The following DAAM1 variants were observed in gnomAD, a reference collection of about 807,000 sequenced individuals.
DAAM1 encodes dishevelled associated activator of morphogenesis 1.
Under a neutral mutation model 130.0 loss-of-function variants are expected in DAAM1, and 52 were observed. The ratio of observed to expected loss-of-function variants is 0.40; its 90% confidence interval spans 0.32 to 0.50. The LOEUF (loss-of-function observed/expected upper bound fraction) is 0.50, where lower values mean the gene tolerates loss of function less well. Ranked by LOEUF, DAAM1 falls within the 20% of genes least tolerant of loss-of-function variation. The probability of loss-of-function intolerance (pLI) is 0.61; values close to 1 mark genes in which losing one functional copy is unlikely to be tolerated. For missense variants in DAAM1, 1,134 were observed against 1,303.8 expected, an observed-to-expected ratio of 0.87 and a Z score of 2.01; for synonymous variants, 452 against 444.5, an observed-to-expected ratio of 1.02 and a Z score of -0.21.
chr14:59,296,397 A>G (rs1883955814), intron 3 of DAAM1, among the ~76,000 whole-genome samples: 1 of 152,178 alleles, frequency 6.6e-6, no homozygotes, highest in Non-Finnish European at 1.5e-5. Flanking sequence ...GATTTGTTTG[A>G]TGTGTATTGA....
rs1305266106 is a variant in DAAM1, at chr14:59,323,052, C to T, written c.601C>T (p.His201Tyr). ...TCAAGGCCGGGCTCACGTCCTGGCT[C>T]ATTCTGAGAGTATTAATGTAATTGC... The part of the protein sequence containing the change: ...NSQGRAHVLA[H>Y]SESINVIAQS... Residue 201 changes from histidine to tyrosine, a missense_variant, in exon 6 of 25, where the codon CAT (histidine) becomes TAT (tyrosine). Around this residue, in one of 3 missense-constraint regions of DAAM1, gnomAD observed 391 missense variants for 521.6 expected, o/e 0.75. Coordinates refer to ENST00000360909, the MANE Select transcript of DAAM1 (RefSeq NM_001270520.2). The T allele has an allele frequency of 6.2e-7, 1 of 1,614,028 alleles. No homozygotes were observed. Among genetic ancestry groups the T allele is most frequent in the Non-Finnish European group, 8.5e-7 (1 of 1,179,986 alleles).
chr14:59,207,473 C>T (rs1468128257), intron 1 of DAAM1, among the ~76,000 whole-genome samples: 2 of 152,144 alleles, frequency 1.3e-5, no homozygotes, highest in Non-Finnish European at 2.9e-5. Flanking sequence ...ATATATTTAT[C>T]ATGTTAGAAA....
rs1886318812 is a variant in DAAM1, at chr14:59,352,272, A to G, written c.2161-254A>G. Among the ~76,000 whole-genome samples, 3 of 152,220 alleles carry G rather than the reference A, an allele frequency of 2.0e-5. No homozygotes were observed. In the South Asian group the frequency reaches 6.2e-4, roughly 32 times the overall value. On this transcript the variant is annotated intron_variant, in intron 17 of 24. Coordinates refer to ENST00000360909, the MANE Select transcript of DAAM1 (RefSeq NM_001270520.2). ...TGTGAAAAAGAGGTTCCAGTAGAGAACTCCCACAATTCTGATTTGAGAGGC... is the reference window on the plus strand; with the variant it reads ...TGTGAAAAAGAGGTTCCAGTAGAGAGCTCCCACAATTCTGATTTGAGAGGC...
chr14:59,332,449 G>C (rs1885478916), intron 15 of DAAM1, among the ~76,000 whole-genome samples: 1 of 152,232 alleles, frequency 6.6e-6, no homozygotes, highest in Non-Finnish European at 1.5e-5. Context: ...CAGAAGTGGG[G>C]TTGTAAAGAC....
chr14:59,366,473 T>C (rs887942047), intron 23 of DAAM1, among the ~76,000 whole-genome samples: 1 of 152,208 alleles, frequency 6.6e-6, no homozygotes, highest in Non-Finnish European at 1.5e-5. Flanking sequence ...GTAAATGATA[T>C]TAAACTACTT....
At position 59,331,343 on chromosome 14, in the gene DAAM1, A is replaced by G. The variant is rs770937632; in HGVS notation, c.1695A>G (p.Pro565=). 5.6e-6 allele frequency: 8 copies of G among 1,429,226 alleles called. No homozygotes were observed. The South Asian group carries it at 9.6e-5, about 17-fold the overall frequency. 88.5% of individuals were successfully genotyped at this position (1,429,226 alleles called of 1,614,324 possible). A position where few individuals can be genotyped will look rare whatever the true frequency, so the allele number is the denominator to read the frequency against. Reference sequence around the variant, plus strand: ...TACCAGGTGGGATGCTTCCCCCTCCACCGCCTCCCCTCCCTCCAGGTGGCC... The same window carrying G: ...TACCAGGTGGGATGCTTCCCCCTCCGCCGCCTCCCCTCCCTCCAGGTGGCC... The part of the protein sequence containing the change: ...PPLPGGMLPP[P]PPPLPPGGPP... The change falls in exon 14 of 25, where the codon CCA becomes CCG. Residue 565 remains proline (P), a synonymous_variant. Coordinates refer to ENST00000360909, the MANE Select transcript of DAAM1 (RefSeq NM_001270520.2).
intron 2 of DAAM1, among the ~76,000 whole-genome samples, chr14:59,280,535 C>CTTTTTTTTTTT (rs35354608): frequency 5.2e-4 from 47 of 90,658 alleles, no homozygotes; most frequent in East Asian, 1.1e-3. Flanking sequence ...GCACACCTTC[C>CTTTTTTTTTTT]TTTTTTTTTT....
At position 59,324,445 on chromosome 14, in the gene DAAM1, C is replaced by T. The variant is rs1485317560; in HGVS notation, c.980C>T (p.Thr327Ile). Residue 327 changes from threonine to isoleucine, a missense_variant, in exon 8 of 25, where the codon ACA becomes ATA. Coordinates refer to ENST00000360909, the MANE Select transcript of DAAM1 (RefSeq NM_001270520.2). ...AAATTAAGGGAACACGAAAATTCAA[C>T]ATTAGATAGGTAAGTCAGACTATTA... ...IDKLREHENS[T>I]LDRHLDFFEM... The T allele has an allele frequency of 7.6e-6, 12 of 1,576,178 alleles. No homozygotes were observed. The African/African-American group carries it at 1.2e-4, about 16-fold the overall frequency.
intron 1 of DAAM1, among the ~76,000 whole-genome samples, chr14:59,246,392 C>T (rs1881380293): frequency 6.6e-6 from 1 of 152,162 alleles, no homozygotes; most frequent in South Asian, 2.1e-4. Context: ...AGTTTTCCTT[C>T]CTTTTTAAGG....
intron 2 of DAAM1, among the ~76,000 whole-genome samples, chr14:59,266,540 A>G (rs930825921): frequency 1.3e-5 from 2 of 152,232 alleles, no homozygotes; most frequent in African/African-American, 4.8e-5. Flanking sequence ...TAGTTGTGAG[A>G]AAGCCAATGC....
intron 3 of DAAM1, among the ~76,000 whole-genome samples, chr14:59,309,391 G>A (rs1040543025): frequency 1.3e-5 from 2 of 152,202 alleles, no homozygotes; most frequent in African/African-American, 2.4e-5. Context: ...AACACTTTAT[G>A]AGCTTATCTT....
chr14:59,240,626 C>G (rs778535552), intron 1 of DAAM1, among the ~76,000 whole-genome samples: 3 of 152,180 alleles, frequency 2.0e-5, no homozygotes, highest in Non-Finnish European at 4.4e-5. Flanking sequence ...GGGGTAGCTT[C>G]TGACACATGG....
intron 1 of DAAM1, among the ~76,000 whole-genome samples, chr14:59,199,703 AC>A (rs1226888775): frequency 2.0e-5 from 3 of 152,164 alleles, no homozygotes; most frequent in Non-Finnish European, 2.9e-5. Flanking sequence ...CTGGCAGATG[AC>A]CCATTTTTGT....
intron 19 of DAAM1, 137 bp downstream of exon 19, chr14:59,354,101 C>T: frequency 1.2e-6 from 1 of 820,178 alleles, no homozygotes. Context: ...TGCACAGTTG[C>T]CCAGGCTGGA....
intron 24 of DAAM1, 138 bp downstream of exon 24, chr14:59,367,737 C>T: frequency 8.4e-7 from 1 of 1,190,416 alleles, no homozygotes; most frequent in Non-Finnish European, 1.1e-6. Flanking sequence ...TGGGACTTTA[C>T]ATTGGTGTTG....
chr14:59,253,206 G>A (rs890669372), intron 1 of DAAM1, among the ~76,000 whole-genome samples: 1 of 152,228 alleles, frequency 6.6e-6, no homozygotes, highest in Admixed American at 6.5e-5. Flanking sequence ...AGTTTCAGAG[G>A]ATGTAAGTGT....
At chr14:59,348,295 A>G (rs1039625999) in intron 17 of DAAM1, among the ~76,000 whole-genome samples, 4 of 152,226 alleles carry the variant, frequency 2.6e-5, no homozygotes, top group African/African-American at 9.6e-5. Context: ...CCAAGCAGCC[A>G]GTATTTCTAT....
intron 1 of DAAM1, among the ~76,000 whole-genome samples, chr14:59,213,312 A>G (rs1009405991): frequency 7.3e-6 from 1 of 136,632 alleles, no homozygotes; most frequent in Non-Finnish European, 1.5e-5. Flanking sequence ...GAGATTCTCC[A>G]TGAGATTTCA....
intron 2 of DAAM1, among the ~76,000 whole-genome samples, chr14:59,278,613 A>G (rs1341935611): frequency 6.6e-6 from 1 of 152,146 alleles, no homozygotes; most frequent in African/African-American, 2.4e-5. Context: ...TATTAGGGGG[A>G]AAAACAAACT....
Sources: gnomAD v4.1 joint callset for allele counts (sites outside exome capture counted in the v4.1 genomes callset) on GRCh38, gnomAD v4.1.1 for gene constraint, gnomAD v4.1.1 regional missense constraint, MANE v1.5 for transcripts, NCBI Gene and HGNC (gene_info 2026-07-23, HGNC 2026-07-21) for gene names.